The following ASTN2 variants were observed in gnomAD, a reference collection of about 807,000 sequenced individuals.
ASTN2 encodes astrotactin 2, also known as astrotactin-2.
A neutral mutation model predicts 139.8 loss-of-function variants in ASTN2; 54 were observed. The observed-to-expected ratio is 0.39, with a 90% CI of 0.31 to 0.48. ASTN2 has a LOEUF of 0.48. Ranked by LOEUF, ASTN2 falls within the 20% of genes least tolerant of loss-of-function variation. ASTN2 has a pLI of 0.95. For missense variants in ASTN2, 1,565 were observed against 1,725.1 expected, an observed-to-expected ratio of 0.91 and a Z score of 1.64; for synonymous variants, 756 against 719.5, an observed-to-expected ratio of 1.05 and a Z score of -0.81.
intron 22 of ASTN2, among the ~76,000 whole-genome samples, chr9:116,438,682 C>T (rs1462852061): frequency 1.3e-5 from 2 of 152,200 alleles, no homozygotes; most frequent in Admixed American, 6.5e-5. Flanking sequence ...CGGTGGCTCA[C>T]GCCTGTAATC....
intron 11 of ASTN2, among the ~76,000 whole-genome samples, chr9:116,833,801 C>G (rs764234631): frequency 1.3e-5 from 2 of 152,108 alleles, no homozygotes; most frequent in Admixed American, 6.6e-5. Context: ...CCTAACCCAC[C>G]TGCAAAGTGA....
At chr9:116,488,954 T>C (rs1490587923) in intron 19 of ASTN2, among the ~76,000 whole-genome samples, 1 of 152,184 alleles carries the variant, frequency 6.6e-6, no homozygotes, top group Admixed American at 6.5e-5. Flanking sequence ...AATTGGATGA[T>C]CTAGGAAAAA....
rs148465832 is a variant in ASTN2 at position 116,755,795 on chromosome 9, C to T, written c.2397-22272G>A. 3.6e-3 allele frequency among the ~76,000 whole-genome samples: 544 copies of T among 152,294 alleles called. 2 individuals are homozygous for T. Among genetic ancestry groups the T allele is most frequent in the African/African-American group, 0.012 (518 of 41,560 alleles). The stretch of plus-strand genomic sequence containing the variant: ...TGGCCCTAAGCGCCATCATGTATAT[C>T]CCTGTAAGTGGGAAACAGAGGAATA... On this transcript the variant is annotated intron_variant, in intron 13 of 22. Transcript: ENST00000313400.
chr9:116,888,508 G>C (rs1833675693), intron 10 of ASTN2, among the ~76,000 whole-genome samples: 1 of 151,872 alleles, frequency 6.6e-6, no homozygotes. Context: ...GCCTTCTCCA[G>C]AGGTTCTTTC....
chr9:116,437,323 T>C (rs966952096), intron 22 of ASTN2: 4 of 471,072 alleles, frequency 8.5e-6, no homozygotes, highest in South Asian at 4.6e-5. Flanking sequence ...CAGGATAGAT[T>C]AGGAGGCAGT....
At chr9:117,221,580 T>C (rs1358481932) in intron 2 of ASTN2, among the ~76,000 whole-genome samples, 1 of 152,164 alleles carries the variant, frequency 6.6e-6, no homozygotes, top group Non-Finnish European at 1.5e-5. Context: ...ACACAGGCCT[T>C]TAATCCTCAG....
At chr9:116,575,205 TC>T (rs1291645743) in intron 19 of ASTN2, among the ~76,000 whole-genome samples, 2 of 152,094 alleles carry the variant, frequency 1.3e-5, no homozygotes, top group African/African-American at 4.8e-5. Flanking sequence ...TTGGCTTACC[TC>T]TTTTTTTCAT....
chr9:117,157,500 A>T (rs920568592), intron 3 of ASTN2, among the ~76,000 whole-genome samples: 1 of 152,066 alleles, frequency 6.6e-6, no homozygotes, highest in Non-Finnish European at 1.5e-5. Context: ...AGGCACTGAA[A>T]TAAAAATGAA....
chr9:117,196,756 G>GA (rs879718557), intron 3 of ASTN2, among the ~76,000 whole-genome samples: 1 of 151,956 alleles, frequency 6.6e-6, no homozygotes, highest in African/African-American at 2.4e-5. Context: ...TTAACTGAGG[G>GA]AAAAAAACAA....
At chr9:117,320,367 G>C (rs566643780) in intron 1 of ASTN2, among the ~76,000 whole-genome samples, 1 of 152,254 alleles carries the variant, frequency 6.6e-6, no homozygotes, top group South Asian at 2.1e-4. Context: ...CAATACTCAA[G>C]TTTGAAAATC....
In ASTN2 at chr9:116,725,916, C is replaced by A. The variant is rs1264293541; in HGVS notation, c.2661G>T (p.Glu887Asp). 4 of 1,613,674 alleles carry A rather than the reference C, an allele frequency of 2.5e-6. No individual in the cohort carries two copies. The highest frequency in any genetic ancestry group is 3.3e-5 in the Admixed American group (2 of 59,980). The change falls in exon 16 of 23, where the codon GAG becomes GAT. Residue 887 changes from glutamate (E) to aspartate (D), a missense_variant. Coordinates refer to ENST00000313400, the MANE Select transcript of ASTN2 (RefSeq NM_001365068.1). ...FTNVLKILTK[E>D]SSREELLSFI... ...AGGACAGCAGCTCCTCCCGACTGCT[C>A]TCCTTGGTCAGGATCTTGAGAACAT...
intron 16 of ASTN2, among the ~76,000 whole-genome samples, chr9:116,667,555 T>C (rs1858941355): frequency 6.6e-6 from 1 of 152,200 alleles, no homozygotes; most frequent in Admixed American, 6.5e-5. Context: ...ATTATACCAT[T>C]TTCTCTCCTT....
chr9:117,003,770 A>T (rs1002011355), intron 7 of ASTN2, among the ~76,000 whole-genome samples: 3 of 151,628 alleles, frequency 2.0e-5, no homozygotes, highest in African/African-American at 7.3e-5. Context: ...GGCTTCACAG[A>T]TGGAGGCAAA....
intron 11 of ASTN2, among the ~76,000 whole-genome samples, chr9:116,834,632 C>T (rs1831928653): frequency 6.6e-6 from 1 of 152,120 alleles, no homozygotes; most frequent in Non-Finnish European, 1.5e-5. Context: ...TGTCTTTTTC[C>T]ATCCATTTAC....
At chr9:116,906,621 C>T (rs1834169314) in intron 10 of ASTN2, among the ~76,000 whole-genome samples, 1 of 152,056 alleles carries the variant, frequency 6.6e-6, no homozygotes, top group Non-Finnish European at 1.5e-5. Flanking sequence ...TTATGTGCCC[C>T]TCACCACCTA....
At chr9:116,885,133 G>T (rs1285157026) in intron 10 of ASTN2, among the ~76,000 whole-genome samples, 1 of 152,008 alleles carries the variant, frequency 6.6e-6, no homozygotes, top group Non-Finnish European at 1.5e-5. Context: ...TGTGTGTATG[G>T]TCATGGGTGA....
intron 10 of ASTN2, among the ~76,000 whole-genome samples, chr9:116,876,535 A>G (rs1833304388): frequency 6.6e-6 from 1 of 152,260 alleles, no homozygotes; most frequent in Admixed American, 6.5e-5. Flanking sequence ...ACTACATCAC[A>G]TCCTACAGCA....
chr9:117,377,455 C>A (rs1185788415), intron 1 of ASTN2, among the ~76,000 whole-genome samples: 1 of 152,144 alleles, frequency 6.6e-6, no homozygotes, highest in Non-Finnish European at 1.5e-5. Context: ...TGGACAGCAT[C>A]CTGAACCCAT....
intron 13 of ASTN2, among the ~76,000 whole-genome samples, chr9:116,778,160 A>C (rs1056966624): frequency 6.6e-6 from 1 of 151,604 alleles, no homozygotes; most frequent in African/African-American, 2.4e-5. Context: ...TAAGCTCCCA[A>C]GTGACGTCTA....
Sources: gnomAD v4.1 joint callset for allele counts (sites outside exome capture counted in the v4.1 genomes callset) on GRCh38, gnomAD v4.1.1 for gene constraint, MANE v1.5 for transcripts, NCBI Gene and HGNC (gene_info 2026-07-23, HGNC 2026-07-21) for gene names.